Variants in CENPO observed in about 807,000 individuals in gnomAD.
CENPO encodes the protein centromere protein O.
A neutral mutation model predicts 36.1 loss-of-function variants in CENPO; 30 were observed. The observed-to-expected ratio is 0.83, with a 90% CI of 0.62 to 1.13. CENPO has a LOEUF of 1.13. Ranked by LOEUF, CENPO falls within the 50% of genes most tolerant of loss-of-function variation. The pLI is 0.00. For missense variants in CENPO, 349 were observed against 357.8 expected (o/e 0.98, Z 0.20); for synonymous variants, 171 against 142.3 (o/e 1.20, Z -1.44).
At chr2:24,810,253 T>G in intron 3 of CENPO, among the ~76,000 whole-genome samples, 1 of 152,156 alleles carries the variant, frequency 6.6e-6, no homozygotes. Context: ...AAATATTCCT[T>G]TTAATTTTAA....
Position 24,800,501 on chromosome 2 carries a change from G to A in CENPO, c.216+657G>A, listed in dbSNP as rs1175040136. 2.5e-3 allele frequency among the ~76,000 whole-genome samples: 272 copies of A among 109,110 alleles called. 1 individual carries two copies. Among genetic ancestry groups the A allele is most frequent in the African/African-American group, 7.0e-3 (186 of 26,426 alleles). The allele number at this position is 109,110 out of a possible 152,430, so 71.6% of individuals were successfully genotyped here. A position where few individuals can be genotyped will look rare whatever the true frequency, so the allele number is the denominator to read the frequency against. On this transcript the variant is annotated intron_variant, in intron 3 of 7. Transcript: ENST00000380834. Reference sequence around the variant, plus strand: ...CTCCCCCCACCCCACAACAGGCCCCGGTGTGTGATGTTCCCCTTCCTGTGT... The same window carrying A: ...CTCCCCCCACCCCACAACAGGCCCCAGTGTGTGATGTTCCCCTTCCTGTGT...
Position 24,822,198 on chromosome 2 carries a change from G to A in CENPO, c.*2880G>A. On this transcript the variant is annotated 3_prime_UTR_variant, in exon 8 of 8. Coordinates refer to ENST00000380834, the MANE Select transcript of CENPO (RefSeq NM_001322101.2). ...CGTCAGCCAGAGTTCTGAAGGCCATGCTTTCAGTTTCCCTTGTTGACAATT... is the reference window on the plus strand; with the variant it reads ...CGTCAGCCAGAGTTCTGAAGGCCATACTTTCAGTTTCCCTTGTTGACAATT... 1 of 239,132 alleles carries A rather than the reference G, an allele frequency of 4.2e-6. No homozygotes were observed. The highest frequency in any genetic ancestry group is 5.1e-5 in the Admixed American group (1 of 19,744). 14.8% of individuals were successfully genotyped at this position (239,132 alleles called of 1,614,324 possible). A position where few individuals can be genotyped will look rare whatever the true frequency, so the allele number is the denominator to read the frequency against.
chr2:24,795,758 C>T (rs538391754), intron 2 of CENPO, among the ~76,000 whole-genome samples: 1 of 152,314 alleles, frequency 6.6e-6, no homozygotes, highest in Admixed American at 6.5e-5. Flanking sequence ...AGATCACCTC[C>T]TGGTTGGACA....
Position 24,821,537 on chromosome 2 carries a change from T to C in CENPO, c.*2219T>C. Reference sequence around the variant, plus strand: ...CTCACCTATGCGCAGCATGAAGTTATTGAAGGACTGGTTGTTGATGTTGGT... The same window carrying C: ...CTCACCTATGCGCAGCATGAAGTTACTGAAGGACTGGTTGTTGATGTTGGT... On this transcript the variant is annotated 3_prime_UTR_variant, in exon 8 of 8. Transcript: ENST00000380834. 2 of 1,614,146 alleles carry C rather than the reference T, an allele frequency of 1.2e-6. No individual in the cohort carries two copies. The highest frequency in any genetic ancestry group is 1.7e-6 in the Non-Finnish European group (2 of 1,180,024).
intron 3 of CENPO, among the ~76,000 whole-genome samples, chr2:24,807,682 G>A (rs1487117016): frequency 1.3e-5 from 2 of 152,160 alleles, no homozygotes; most frequent in Non-Finnish European, 2.9e-5. Context: ...TGGTTCATAG[G>A]ATATGCATGT....
intron 3 of CENPO, among the ~76,000 whole-genome samples, chr2:24,813,829 C>T (rs1666817980): frequency 6.6e-6 from 1 of 152,224 alleles, no homozygotes; most frequent in Non-Finnish European, 1.5e-5. Context: ...TTTGTCAGTA[C>T]TCTCCAATCC....
At position 24,811,696 on chromosome 2, in the gene CENPO, C is replaced by T. The variant is rs530455848; in HGVS notation, c.217-2680C>T. On this transcript the variant is annotated intron_variant, in intron 3 of 7. Transcript: ENST00000380834. Reference sequence around the variant, plus strand: ...CAGGATGGTCTTGATCTCCTGACCTCGTGATCCACCTGCCTCGGCCTCCTA... The same window carrying T: ...CAGGATGGTCTTGATCTCCTGACCTTGTGATCCACCTGCCTCGGCCTCCTA... Among the ~76,000 whole-genome samples the T allele has an allele frequency of 7.2e-5, 11 of 152,170 alleles. No homozygotes were observed. The East Asian group carries it at 9.7e-4, about 13-fold the overall frequency.
intron 3 of CENPO, among the ~76,000 whole-genome samples, chr2:24,811,129 A>G (rs1666657575): frequency 6.7e-6 from 1 of 148,526 alleles, no homozygotes; most frequent in African/African-American, 2.5e-5. Context: ...TTTTTAGTAG[A>G]GACAAGGGTT....
rs368243716 is a variant in CENPO, at chr2:24,803,126, A to G, written c.216+3282A>G. Among the ~76,000 whole-genome samples the G allele has an allele frequency of 4.7e-3, 708 of 151,310 alleles. 6 individuals are homozygous for G. Among genetic ancestry groups the G allele is most frequent in the African/African-American group, 0.016 (653 of 40,908 alleles). ...CTAGTTTATTTGCGTAGAGGTGTTT[A>G]TAGTATTCTCTGATGGTAGTTTGTA... On this transcript the variant is annotated intron_variant, in intron 3 of 7. Transcript: ENST00000380834.
In CENPO at chr2:24,821,920, C is replaced by A; in HGVS notation, c.*2602C>A. ...CCCCTTCACCTTGGCTGGGCCTGGT[C>A]CTGGTCCTTAGGTTTTGTCAGGTTG... On this transcript the variant is annotated 3_prime_UTR_variant, in exon 8 of 8. Transcript: ENST00000380834. The A allele has an allele frequency of 2.6e-6, 1 of 389,992 alleles. No homozygotes were observed. Among genetic ancestry groups the A allele is most frequent in the Admixed American group, 4.1e-5 (1 of 24,128 alleles). 24.2% of individuals were successfully genotyped at this position (389,992 alleles called of 1,614,324 possible). A position where few individuals can be genotyped will look rare whatever the true frequency, so the allele number is the denominator to read the frequency against.
Position 24,821,783 on chromosome 2 carries a change from C to G in CENPO, c.*2465C>G. 8.0e-7 allele frequency: 1 copy of G among 1,253,742 alleles called. No individual in the cohort carries two copies. The highest frequency in any genetic ancestry group is 2.4e-5 in the East Asian group (1 of 41,568). The allele number at this position is 1,253,742 out of a possible 1,614,324, so 77.7% of individuals were successfully genotyped here. A position where few individuals can be genotyped will look rare whatever the true frequency, so the allele number is the denominator to read the frequency against. ...TACTTTTCCTCCCACAAAGGAGTCG[C>G]AGCCACGCTAGCTCTGACTTGCCAC... On this transcript the variant is annotated 3_prime_UTR_variant, in exon 8 of 8. Transcript: ENST00000380834.
rs778694160 is a variant in CENPO, at chr2:24,816,857, G to GT, written c.766+43dup. On this transcript the variant is annotated intron_variant, in intron 6 of 7. Transcript: ENST00000380834. ...TCAGTGCAGAAATTCTCATATCCCA[G>GT]TTTATTTGAGTGAAACAGGGAAAAT... 5 of 1,528,336 alleles carry GT rather than the reference G, an allele frequency of 3.3e-6. No individual in the cohort carries two copies. In the African/African-American group the frequency reaches 7.0e-5, roughly 21 times the overall value. The allele number at this position is 1,528,336 out of a possible 1,614,324, so 94.7% of individuals were successfully genotyped here.
Position 24,816,734 on chromosome 2 carries a change from G to C in CENPO, c.683G>C (p.Gly228Ala). The change falls in exon 6 of 8, where the codon GGT (glycine) becomes GCT (alanine). Residue 228 changes from glycine (G) to alanine (A), a missense_variant. Coordinates refer to ENST00000380834, the MANE Select transcript of CENPO (RefSeq NM_001322101.2). Reference sequence around the variant, plus strand: ...TTTACTTACAAACTGGATCCAGGGGGTCAGTCCTTCCCGTTCTGTGCTAGA... The same window carrying C: ...TTTACTTACAAACTGGATCCAGGGGCTCAGTCCTTCCCGTTCTGTGCTAGA... ...LSFTYKLDPG[G>A]QSFPFCARLL... is the part of the protein sequence containing the mutation. 1 of 1,612,834 alleles carries C rather than the reference G, an allele frequency of 6.2e-7. No homozygotes were observed. Among genetic ancestry groups the C allele is most frequent in the Non-Finnish European group, 8.5e-7 (1 of 1,179,542 alleles).
intron 3 of CENPO, among the ~76,000 whole-genome samples, chr2:24,804,099 C>G (rs1383793411): frequency 6.6e-6 from 1 of 152,092 alleles, no homozygotes; most frequent in East Asian, 1.9e-4. Flanking sequence ...TTCTTTGTCT[C>G]TTTTGATCTT....
At chr2:24,799,634 A>G in intron 2 of CENPO, 41 bp from the exon 3 acceptor site, 2 of 1,526,612 alleles carry the variant, frequency 1.3e-6, no homozygotes, top group Non-Finnish European at 1.8e-6. Flanking sequence ...ACAGTGAGAA[A>G]TCCTCAGCTT....
At position 24,821,719 on chromosome 2, in the gene CENPO, T is replaced by C; in HGVS notation, c.*2401T>C. The C allele has an allele frequency of 1.3e-6, 2 of 1,563,580 alleles. No homozygotes were observed. The highest frequency in any genetic ancestry group is 2.7e-5 in the African/African-American group (2 of 73,916). ...GCTCTGCTGCCTTCCCTGGCAGTGT[T>C]CTGGGGGTGGATTCCCTACACCTAG... On this transcript the variant is annotated 3_prime_UTR_variant, in exon 8 of 8. Coordinates refer to ENST00000380834, the MANE Select transcript of CENPO (RefSeq NM_001322101.2).
intron 2 of CENPO, among the ~76,000 whole-genome samples, chr2:24,798,826 A>G (rs1038720848): frequency 4.6e-5 from 7 of 151,956 alleles, no homozygotes; most frequent in African/African-American, 7.3e-5. Flanking sequence ...TCTAGTCTTA[A>G]TTGGATAGGT....
At chr2:24,811,385 A>T (rs571432155) in intron 3 of CENPO, among the ~76,000 whole-genome samples, 2 of 142,966 alleles carry the variant, frequency 1.4e-5, no homozygotes, top group Non-Finnish European at 3.0e-5. Context: ...GATTCAAGCG[A>T]TTCTCCTGCC....
intron 3 of CENPO, among the ~76,000 whole-genome samples, chr2:24,804,674 T>C (rs974273355): frequency 2.6e-5 from 4 of 152,226 alleles, no homozygotes; most frequent in African/African-American, 9.6e-5. Flanking sequence ...TTCTGACTTG[T>C]AGAGTTTGTG....
Sources: allele counts gnomAD v4.1 joint callset (sites outside exome capture counted in the v4.1 genomes callset), GRCh38; gene constraint gnomAD v4.1.1; transcripts MANE v1.5; gene names NCBI Gene and HGNC (gene_info 2026-07-23, HGNC 2026-07-21).